RBFOX1: variants seen among roughly 807,000 people sequenced by gnomAD.
The protein encoded by RBFOX1 is RNA binding fox-1 homolog 1, also known as RNA binding protein fox-1 homolog 1.
In RBFOX1, 8 loss-of-function variants were observed where a neutral mutation model predicts 57.7. The ratio of observed to expected loss-of-function variants is 0.14; its 90% CI spans 0.08 to 0.25. The LOEUF (loss-of-function observed/expected upper bound fraction) is 0.25. Among genes scored for constraint, RBFOX1 ranks in the 10% least tolerant of loss-of-function variants. The pLI, the probability that RBFOX1 is intolerant of heterozygous loss-of-function variation, is 1.00. For missense variants in RBFOX1, 611 were observed against 548.5 expected, an observed-to-expected ratio of 1.11 and a Z score of -1.14; for synonymous variants, 326 against 222.4, an observed-to-expected ratio of 1.47 and a Z score of -4.15.
At chr16:5,530,009 C>T (rs998279484) in intron 2 of RBFOX1, among the ~76,000 whole-genome samples, 6 of 152,090 alleles carry the variant, frequency 3.9e-5, no homozygotes, top group Non-Finnish European at 1.5e-5. Context: ...TCCTCACAGC[C>T]CTGAGAAGGA....
chr16:5,865,702 C>G (rs1011604609), intron 3 of RBFOX1, among the ~76,000 whole-genome samples: 2 of 152,180 alleles, frequency 1.3e-5, no homozygotes, highest in Non-Finnish European at 2.9e-5. Context: ...TGGTATTGGT[C>G]TGTGTCTTAG....
chr16:7,541,319 G>T (rs2082861415), intron 5 of RBFOX1, among the ~76,000 whole-genome samples: 1 of 152,198 alleles, frequency 6.6e-6, no homozygotes, highest in African/African-American at 2.4e-5. Flanking sequence ...CTGCAAATGT[G>T]AGGCAAAGGA....
chr16:7,042,380 C>T (rs983964403), intron 3 of RBFOX1, among the ~76,000 whole-genome samples: 3 of 152,128 alleles, frequency 2.0e-5, no homozygotes, highest in South Asian at 2.1e-4. Context: ...CTAGTCAACC[C>T]ATCCAGATGG....
intron 3 of RBFOX1, among the ~76,000 whole-genome samples, chr16:6,746,054 C>T (rs1354432727): frequency 6.6e-6 from 1 of 152,080 alleles, no homozygotes; most frequent in Admixed American, 6.5e-5. Flanking sequence ...CTTAGAGGAA[C>T]AAATCTGATG....
chr16:7,353,978 T>G (rs2146145583), intron 4 of RBFOX1, among the ~76,000 whole-genome samples: 1 of 152,252 alleles, frequency 6.6e-6, no homozygotes, highest in South Asian at 2.1e-4. Flanking sequence ...TTTATTTTAT[T>G]TTATTTTTTT....
At chr16:6,765,473 C>A (rs552532130) in intron 3 of RBFOX1, among the ~76,000 whole-genome samples, 21 of 152,148 alleles carry the variant, frequency 1.4e-4, no homozygotes, top group African/African-American at 5.1e-4. Flanking sequence ...GAACATACCC[C>A]TATAACTCAA....
intron 2 of RBFOX1, among the ~76,000 whole-genome samples, chr16:5,488,346 C>G (rs557592229): frequency 7.4e-6 from 1 of 134,544 alleles, no homozygotes; most frequent in African/African-American, 2.9e-5. Flanking sequence ...AGATGAAAGA[C>G]AGTGGTGATG....
At chr16:7,094,481 G>A (rs1348162676) in intron 4 of RBFOX1, among the ~76,000 whole-genome samples, 2 of 152,094 alleles carry the variant, frequency 1.3e-5, no homozygotes, top group Non-Finnish European at 2.9e-5. Flanking sequence ...AGTGGTTCTG[G>A]GGACTGGATA....
intron 2 of RBFOX1, among the ~76,000 whole-genome samples, chr16:6,566,031 T>C (rs566983016): frequency 5.3e-5 from 8 of 152,364 alleles, no homozygotes; most frequent in Admixed American, 1.3e-4. Context: ...ACACCTCTTC[T>C]GCGATTACCA....
At chr16:5,370,713 T>G (rs1488567529) in intron 1 of RBFOX1, among the ~76,000 whole-genome samples, 2 of 152,020 alleles carry the variant, frequency 1.3e-5, no homozygotes, top group African/African-American at 4.8e-5. Context: ...GGCTGATCTT[T>G]AACACCTAGA....
chr16:6,822,520 T>G (rs182350079), intron 3 of RBFOX1, among the ~76,000 whole-genome samples: 1 of 152,354 alleles, frequency 6.6e-6, no homozygotes, highest in Non-Finnish European at 1.5e-5. Flanking sequence ...GGAATGCAAT[T>G]CCACTTCGTG....
chr16:5,953,704 T>TATA, intron 4 of RBFOX1, among the ~76,000 whole-genome samples: 1 of 138,688 alleles, frequency 7.2e-6, no homozygotes, highest in Non-Finnish European at 1.5e-5. Context: ...GTCTTCTGTC[T>TATA]TATATATATA....
At chr16:5,669,515 G>A in intron 3 of RBFOX1, among the ~76,000 whole-genome samples, 1 of 147,954 alleles carries the variant, frequency 6.8e-6, no homozygotes, top group African/African-American at 2.5e-5. Context: ...CAACTCCCTG[G>A]TTCAAGCAAT....
chr16:6,561,751 G>A (rs1365204926), intron 2 of RBFOX1, among the ~76,000 whole-genome samples: 2 of 152,204 alleles, frequency 1.3e-5, no homozygotes, highest in East Asian at 1.9e-4. Context: ...TTAATTATTG[G>A]TAACATAATA....
At chr16:6,426,120 C>G (rs2093920327) in intron 2 of RBFOX1, among the ~76,000 whole-genome samples, 1 of 152,028 alleles carries the variant, frequency 6.6e-6, no homozygotes, top group Non-Finnish European at 1.5e-5. Flanking sequence ...CTCATTGTCT[C>G]TCTCTTATTC....
intron 3 of RBFOX1, among the ~76,000 whole-genome samples, chr16:6,912,768 C>G (rs913830920): frequency 6.6e-6 from 1 of 151,904 alleles, no homozygotes; most frequent in Non-Finnish European, 1.5e-5. Flanking sequence ...TAGGCACATG[C>G]CACCACACGT....
chr16:7,429,765 T>G (rs774374534), intron 4 of RBFOX1, among the ~76,000 whole-genome samples: 1 of 152,250 alleles, frequency 6.6e-6, no homozygotes, highest in African/African-American at 2.4e-5. Context: ...CTCAGATATT[T>G]CTTTCTGTGC....
chr16:5,788,825 G>C (rs572474078), intron 3 of RBFOX1, among the ~76,000 whole-genome samples: 1 of 152,078 alleles, frequency 6.6e-6, no homozygotes, highest in Admixed American at 6.5e-5. Context: ...AAGTTATTAG[G>C]AAAATTATAA....
At chr16:5,839,688 C>T (rs1490634770) in intron 3 of RBFOX1, among the ~76,000 whole-genome samples, 1 of 151,950 alleles carries the variant, frequency 6.6e-6, no homozygotes, top group Non-Finnish European at 1.5e-5. Flanking sequence ...CTTCACCATC[C>T]TCATCCACAT....
Sources: gnomAD v4.1 joint callset for allele counts (sites outside exome capture counted in the v4.1 genomes callset) on GRCh38, gnomAD v4.1.1 for gene constraint, MANE v1.5 for transcripts, NCBI Gene and HGNC (gene_info 2026-07-23, HGNC 2026-07-21) for gene names.